SND1: variants seen among roughly 807,000 people sequenced by gnomAD.
SND1 encodes staphylococcal nuclease and tudor domain containing 1.
Under a neutral mutation model 121.7 loss-of-function variants are expected in SND1, and 38 were observed. The ratio of observed to expected loss-of-function variants is 0.31; its 90% confidence interval spans 0.24 to 0.41. The LOEUF (loss-of-function observed/expected upper bound fraction) is 0.41. Ranked by LOEUF, SND1 falls within the 10% of genes least tolerant of loss-of-function variation. SND1 has a pLI of 1.00. For missense variants in SND1, 868 were observed against 1,184.6 expected, an observed-to-expected ratio of 0.73 and a Z score of 3.92; for synonymous variants, 401 against 447.4, an observed-to-expected ratio of 0.90 and a Z score of 1.31.
At chr7:127,761,429 T>TTTTTTTTTTTTTTTTTTTTTTTTTTG (rs1188549388) in intron 10 of SND1, among the ~76,000 whole-genome samples, 1 of 152,202 alleles carries the variant, frequency 6.6e-6, no homozygotes, top group Admixed American at 6.5e-5. Context: ...TGGGGTATTT[T>TTTTTTTTTTTTTTTTTTTTTTTTTTG]ACCCCCTCAG....
chr7:127,803,536 C>T (rs1251741704), intron 10 of SND1, among the ~76,000 whole-genome samples: 1 of 152,036 alleles, frequency 6.6e-6, no homozygotes, highest in Non-Finnish European at 1.5e-5. Context: ...CCATCTTCAC[C>T]ATTTTGAGTG....
At chr7:128,072,155 G>A (rs1793424184) in intron 16 of SND1, among the ~76,000 whole-genome samples, 1 of 152,226 alleles carries the variant, frequency 6.6e-6, no homozygotes, top group African/African-American at 2.4e-5. Flanking sequence ...GTTGGGGTCT[G>A]AGCATTGGCA....
At chr7:128,035,580 A>C (rs1792733287) in intron 16 of SND1, among the ~76,000 whole-genome samples, 1 of 152,236 alleles carries the variant, frequency 6.6e-6, no homozygotes, top group African/African-American at 2.4e-5. Flanking sequence ...TTAGTATCAG[A>C]GTCTGTCCTT....
intron 11 of SND1, among the ~76,000 whole-genome samples, chr7:127,839,607 T>TATACTA (rs1469075835): frequency 6.6e-6 from 1 of 152,204 alleles, no homozygotes; most frequent in Non-Finnish European, 1.5e-5. Context: ...ATAGCTGTTC[T>TATACTA]ATACTAAACT....
chr7:127,862,639 A>G (rs146250421), intron 12 of SND1, among the ~76,000 whole-genome samples: 1 of 152,326 alleles, frequency 6.6e-6, no homozygotes, highest in African/African-American at 2.4e-5. Flanking sequence ...GGGATTTAAC[A>G]CTCACTGGCC....
At chr7:128,082,070 G>A (rs748445864) in intron 18 of SND1, 40 of 457,248 alleles carry the variant, frequency 8.7e-5, no homozygotes, top group South Asian at 6.5e-5. Context: ...TCCTCCTTCC[G>A]TCCTGAGTGG....
At chr7:127,803,158 T>C (rs1244478701) in intron 10 of SND1, among the ~76,000 whole-genome samples, 1 of 152,228 alleles carries the variant, frequency 6.6e-6, no homozygotes, top group Non-Finnish European at 1.5e-5. Flanking sequence ...GCTGCAGTGG[T>C]GGTGCCTTTG....
At chr7:127,942,446 GCA>G (rs1212651844) in intron 15 of SND1, among the ~76,000 whole-genome samples, 1 of 152,162 alleles carries the variant, frequency 6.6e-6, no homozygotes, top group Non-Finnish European at 1.5e-5. Context: ...AATCAGAAAT[GCA>G]CAGTCATAGA....
intron 16 of SND1, chr7:128,028,885 C>T (rs760862041): frequency 8.7e-6 from 14 of 1,614,062 alleles, no homozygotes; most frequent in Non-Finnish European, 1.1e-5. Context: ...CCGGACGGAG[C>T]TGCTGTTGCT....
At chr7:127,689,868 CAA>C (rs1795881779) in intron 2 of SND1, among the ~76,000 whole-genome samples, 2 of 152,062 alleles carry the variant, frequency 1.3e-5, no homozygotes, top group South Asian at 4.1e-4. Flanking sequence ...TGCATCGACA[CAA>C]GTTACCAGTA....
chr7:127,966,911 A>G (rs1416530840), intron 15 of SND1, among the ~76,000 whole-genome samples: 1 of 151,940 alleles, frequency 6.6e-6, no homozygotes, highest in Non-Finnish European at 1.5e-5. Context: ...CAATGAATCC[A>G]GGAGCTGGTT....
intron 11 of SND1, among the ~76,000 whole-genome samples, chr7:127,827,251 C>G (rs1029397167): frequency 2.6e-5 from 4 of 151,874 alleles, no homozygotes; most frequent in African/African-American, 9.7e-5. Context: ...TTAATTTATC[C>G]CTTAAAAGCT....
intron 16 of SND1, among the ~76,000 whole-genome samples, chr7:128,021,850 G>A (rs1490160433): frequency 1.3e-5 from 2 of 152,158 alleles, no homozygotes; most frequent in Non-Finnish European, 2.9e-5. Flanking sequence ...GGGAATATGG[G>A]ACAGGAAACC....
chr7:127,870,071 A>G (rs1799552962), intron 12 of SND1, among the ~76,000 whole-genome samples: 1 of 152,176 alleles, frequency 6.6e-6, no homozygotes, highest in African/African-American at 2.4e-5. Context: ...CCTGAGTTCT[A>G]GCCCAGGTCC....
intron 11 of SND1, among the ~76,000 whole-genome samples, chr7:127,821,574 G>A (rs1333814528): frequency 6.6e-6 from 1 of 152,006 alleles, no homozygotes; most frequent in African/African-American, 2.4e-5. Flanking sequence ...GATTTCTGTG[G>A]TCAGGCAAAG....
chr7:127,695,624 G>A (rs891190369), intron 3 of SND1, among the ~76,000 whole-genome samples: 1 of 152,162 alleles, frequency 6.6e-6, no homozygotes, highest in African/African-American at 2.4e-5. Context: ...TTAAGCACAA[G>A]AGTTCGAGAC....
chr7:127,823,168 G>C (rs183259286), intron 11 of SND1, among the ~76,000 whole-genome samples: 1 of 152,320 alleles, frequency 6.6e-6, no homozygotes, highest in Admixed American at 6.5e-5. Context: ...GGGAGATACA[G>C]AGTGAGTTCT....
At position 127,778,343 on chromosome 7, in the gene SND1, G is replaced by A. The variant is rs148586518; in HGVS notation, c.1153-29141G>A. On this transcript the variant is annotated intron_variant, in intron 10 of 23. Transcript: ENST00000354725. ...CCAAGTAGCTGGGAGCACTACAGGC[G>A]CGTGCCACCACGCCCAGCTAACTTT... 3.0e-4 allele frequency among the ~76,000 whole-genome samples: 45 copies of A among 152,112 alleles called. No homozygotes were observed. In the East Asian group the frequency reaches 8.0e-3, roughly 27 times the overall value.
intron 16 of SND1, among the ~76,000 whole-genome samples, chr7:128,047,699 A>G (rs1792973227): frequency 6.6e-6 from 1 of 152,168 alleles, no homozygotes; most frequent in African/African-American, 2.4e-5. Flanking sequence ...GGTATAACTT[A>G]GTTTGTGGTT....
Sources: gnomAD v4.1 joint callset for allele counts (sites outside exome capture counted in the v4.1 genomes callset) on GRCh38, gnomAD v4.1.1 for gene constraint, MANE v1.5 for transcripts, NCBI Gene and HGNC (gene_info 2026-07-23, HGNC 2026-07-21) for gene names.